Variants in FJX1 observed in about 807,000 individuals in gnomAD.
FJX1 encodes four-jointed box protein 1.
FJX1 carries 21 observed loss-of-function variants against 28.7 expected under a neutral mutation model. That is an observed-to-expected ratio of 0.73 (90% CI 0.52 to 1.05). FJX1 has a LOEUF of 1.05. Among genes scored for constraint, FJX1 ranks in the 50% least tolerant of loss-of-function variants. The pLI, the probability that FJX1 is intolerant of heterozygous loss-of-function variation, is 0.00. For synonymous variants in FJX1, 363 were observed against 310.0 expected (o/e 1.17, Z -1.80); for missense variants, 683 against 647.2 (o/e 1.06, Z -0.60).
Position 35,619,305 on chromosome 11 carries a change from G to C in FJX1, c.669G>C (p.Ala223=). The change falls in exon 1 of 1, where the codon GCG becomes GCC. Residue 223 remains alanine, a synonymous_variant. Coordinates refer to ENST00000317811, the MANE Select transcript of FJX1 (RefSeq NM_014344.4). The surrounding 1 kb of genome is among the most constrained non-coding windows in gnomAD (Gnocchi z 7.6). ...TGGAGGCTCGGGGCGCGCAGTGGGC[G>C]CAGGTGCAGGAGGAGCTGCGCGCTG... ...ARVEARGAQW[A]QVQEELRAAH... 1 of 1,556,408 alleles carries C rather than the reference G, an allele frequency of 6.4e-7. No homozygotes were observed. The highest frequency in any genetic ancestry group is 8.6e-7 in the Non-Finnish European group (1 of 1,159,766).
At position 35,620,156 on chromosome 11, in the gene FJX1, C is replaced by A. The variant is rs542038856; in HGVS notation, c.*206C>A. 2,000 of 720,314 alleles carry A rather than the reference C, an allele frequency of 2.8e-3. 7 individuals are homozygous for A. The highest frequency in any genetic ancestry group is 3.0e-3 in the Admixed American group (100 of 33,290). The allele number at this position is 720,314 out of a possible 1,614,324, so 44.6% of individuals were successfully genotyped here. ...TTCTGGGAGGACGAACTCACCGAGGCGAGAAGTGTAACATTCTCTCCACCC... is the reference window on the plus strand; with the variant it reads ...TTCTGGGAGGACGAACTCACCGAGGAGAGAAGTGTAACATTCTCTCCACCC... On this transcript the variant is annotated 3_prime_UTR_variant, in exon 1 of 1. Coordinates refer to ENST00000317811, the MANE Select transcript of FJX1 (RefSeq NM_014344.4).
Position 35,619,027 on chromosome 11 carries a change from C to T in FJX1, c.391C>T (p.Gln131Ter), listed in dbSNP as rs1452885507. 6.8e-7 allele frequency: 1 copy of T among 1,467,592 alleles called. No individual in the cohort carries two copies. The allele number at this position is 1,467,592 out of a possible 1,614,324, so 90.9% of individuals were successfully genotyped here. ...GVFWSRGLEE[Q>*]VPPGFSEAQA... ...CTTCTGGAGCCGCGGCCTGGAGGAG[C>T]AGGTGCCCCCGGGCTTTTCGGAGGC... The change falls in exon 1 of 1, where the codon CAG becomes TAG. Residue 131 changes from glutamine (Q) to a stop codon, truncating the protein, a stop_gained. Transcript: ENST00000317811. LOFTEE classifies it high-confidence loss of function. The surrounding 1 kb of genome is among the most constrained non-coding windows in gnomAD (Gnocchi z 7.6).
rs931076036 is a variant in FJX1 at position 35,620,857 on chromosome 11, T to C, written c.*907T>C. The C allele has an allele frequency of 1.8e-5, 3 of 167,134 alleles. No homozygotes were observed. The highest frequency in any genetic ancestry group is 2.9e-5 in the Non-Finnish European group (2 of 68,122). The allele number at this position is 167,134 out of a possible 1,614,324, so 10.4% of individuals were successfully genotyped here. A position where few individuals can be genotyped will look rare whatever the true frequency, so the allele number is the denominator to read the frequency against. On this transcript the variant is annotated 3_prime_UTR_variant, in exon 1 of 1. Transcript: ENST00000317811. The stretch of plus-strand genomic sequence containing the variant: ...ACTTATATTTCAATAAAAGGGAGTT[T>C]AAAATTTATAATTTAATTCCTGTGG...
Position 35,618,676 on chromosome 11 carries a change from C to T in FJX1, c.40C>T (p.Leu14Phe). 2 of 1,245,406 alleles carry T rather than the reference C, an allele frequency of 1.6e-6. No homozygotes were observed. Among genetic ancestry groups the T allele is most frequent in the Non-Finnish European group, 2.0e-6 (2 of 989,640 alleles). The allele number at this position is 1,245,406 out of a possible 1,614,324, so 77.1% of individuals were successfully genotyped here. A position where few individuals can be genotyped will look rare whatever the true frequency, so the allele number is the denominator to read the frequency against. The change falls in exon 1 of 1, where the codon CTC (leucine) becomes TTC (phenylalanine). Residue 14 changes from leucine (L) to phenylalanine (F), a missense_variant. Transcript: ENST00000317811. The surrounding 1 kb of genome is among the most constrained non-coding windows in gnomAD (Gnocchi z 4.2). ...RMRGAAATAG[L>F]WLLALGSLLA... The stretch of plus-strand genomic sequence containing the variant: ...GCGGGGCGCCGCCGCCACCGCGGGG[C>T]TCTGGCTGCTGGCGCTGGGCTCGCT...
Position 35,619,412 on chromosome 11 carries a change from G to T in FJX1, c.776G>T (p.Arg259Leu). The T allele has an allele frequency of 6.3e-7, 1 of 1,597,064 alleles. No individual in the cohort carries two copies. Among genetic ancestry groups the T allele is most frequent in the South Asian group, 1.1e-5 (1 of 90,914 alleles). ...GACGTGGTGGTGCCCGCGCCCTGGC[G>T]CTCGGAGGACGGCCGTCTGCGCCCC... ...LTDVVVPAPW[R>L]SEDGRLRPLR... Residue 259 changes from arginine to leucine, a missense_variant, in exon 1 of 1, where the codon CGC becomes CTC. Physicochemically the swap from Arg to Leu is moderately radical, Grantham distance 102. Coordinates refer to ENST00000317811, the MANE Select transcript of FJX1 (RefSeq NM_014344.4). This position sits in a 1 kb window ranked among gnomAD's most constrained non-coding sequence, Gnocchi z 7.6.
At position 35,619,376 on chromosome 11, in the gene FJX1, C is replaced by A; in HGVS notation, c.740C>A (p.Pro247His). 6.3e-7 allele frequency: 1 copy of A among 1,592,076 alleles called. No homozygotes were observed. The highest frequency in any genetic ancestry group is 8.5e-7 in the Non-Finnish European group (1 of 1,176,912). Residue 247 changes from proline (P) to histidine (H), a missense_variant, in exon 1 of 1, where the codon CCC becomes CAC. Transcript: ENST00000317811. The surrounding 1 kb of genome is among the most constrained non-coding windows in gnomAD (Gnocchi z 7.6). The part of the protein sequence containing the change: ...GSVVSLTRWL[P>H]NLTDVVVPAP... ...GTGGTGAGCCTGACACGCTGGCTGC[C>A]CAACCTCACGGACGTGGTGGTGCCC...
rs558614264 is a variant in FJX1, at chr11:35,619,749, C to T, written c.1113C>T (p.Thr371=). 42 of 1,560,704 alleles carry T rather than the reference C, an allele frequency of 2.7e-5. No individual in the cohort carries two copies. The Admixed American group carries it at 3.3e-4, about 12-fold the overall frequency. Residue 371 remains threonine (T), a synonymous_variant, in exon 1 of 1, where the codon ACC becomes ACT. Transcript: ENST00000317811. The surrounding 1 kb of genome is among the most constrained non-coding windows in gnomAD (Gnocchi z 7.6). The part of the protein sequence containing the change: ...LQSVCVFRER[T]ARRVLELHRG... The stretch of plus-strand genomic sequence containing the variant: ...CAGTGTGCGTGTTCCGCGAGCGGAC[C>T]GCGCGGCGCGTCCTGGAGCTGCACC...
rs1360920230 is a variant in FJX1, at chr11:35,620,300, C to T, written c.*350C>T. ...GGAGATGCACCCCATTCTTGGGCCC[C>T]CCCTCATTCCCTTTCCGAAAAAGGA... On this transcript the variant is annotated 3_prime_UTR_variant, in exon 1 of 1. Transcript: ENST00000317811. 6 of 380,852 alleles carry T rather than the reference C, an allele frequency of 1.6e-5. No individual in the cohort carries two copies. Among genetic ancestry groups the T allele is most frequent in the African/African-American group, 1.1e-4 (5 of 45,502 alleles). The allele number at this position is 380,852 out of a possible 1,614,324, so 23.6% of individuals were successfully genotyped here.
At position 35,620,699 on chromosome 11, in the gene FJX1, GAA is replaced by G. The variant is rs3834431; in HGVS notation, c.*759_*760del. The G allele has an allele frequency of 0.42, 68,650 of 163,248 alleles. 17,500 individuals are homozygous for G. Among genetic ancestry groups the G allele is most frequent in the African/African-American group, 0.74 (30,410 of 41,126 alleles). 10.1% of individuals were successfully genotyped at this position (163,248 alleles called of 1,614,324 possible). A position where few individuals can be genotyped will look rare whatever the true frequency, so the allele number is the denominator to read the frequency against. Reference sequence around the variant, plus strand: ...TGACAACGATGATGTTCACCAGAAGGAAAAAAAAAAATCAGTTTTATGCACTT... The same window carrying G: ...TGACAACGATGATGTTCACCAGAAGGAAAAAAAAATCAGTTTTATGCACTT... On this transcript the variant is annotated 3_prime_UTR_variant, in exon 1 of 1. Transcript: ENST00000317811.
rs765190883 is a variant in FJX1, at chr11:35,619,629, C to G, written c.993C>G (p.Gly331=). Residue 331 remains glycine, a synonymous_variant, in exon 1 of 1, where the codon GGC becomes GGG. Transcript: ENST00000317811. The surrounding 1 kb of genome is among the most constrained non-coding windows in gnomAD (Gnocchi z 7.6). Reference sequence around the variant, plus strand: ...CCAGCAACCTGCACCGCGGTCCGGGCGGGGCGCTGGTCTTTCTGGACAATG... The same window carrying G: ...CCAGCAACCTGCACCGCGGTCCGGGGGGGGCGCTGGTCTTTCTGGACAATG... The part of the protein sequence containing the change: ...RATSNLHRGP[G]GALVFLDNEA... The G allele has an allele frequency of 6.2e-7, 1 of 1,610,432 alleles. No homozygotes were observed. The highest frequency in any genetic ancestry group is 8.5e-7 in the Non-Finnish European group (1 of 1,179,776).
At position 35,618,623 on chromosome 11, in the gene FJX1, A is replaced by G. The variant is rs1850851213; in HGVS notation, c.-14A>G. On this transcript the variant is annotated 5_prime_UTR_variant, in exon 1 of 1. Coordinates refer to ENST00000317811, the MANE Select transcript of FJX1 (RefSeq NM_014344.4). The surrounding 1 kb of genome is among the most constrained non-coding windows in gnomAD (Gnocchi z 4.2). ...CTTGAAGCGGCGGCGGCGCACCGGC[A>G]CAGCCGCGGGAGCATGGGCAGGAGG... is the stretch of plus-strand genomic sequence containing the variant. The G allele has an allele frequency of 8.8e-7, 1 of 1,136,926 alleles. No homozygotes were observed. The highest frequency in any genetic ancestry group is 1.7e-5 in the African/African-American group (1 of 60,504). 70.4% of individuals were successfully genotyped at this position (1,136,926 alleles called of 1,614,324 possible). A position where few individuals can be genotyped will look rare whatever the true frequency, so the allele number is the denominator to read the frequency against.
chr11:35,620,046 A>G lies in FJX1; in HGVS notation c.*96A>G. The G allele has an allele frequency of 1.3e-5, 19 of 1,511,264 alleles. No individual in the cohort carries two copies. The highest frequency in any genetic ancestry group is 1.7e-5 in the Non-Finnish European group (19 of 1,128,724). The allele number at this position is 1,511,264 out of a possible 1,614,324, so 93.6% of individuals were successfully genotyped here. A position where few individuals can be genotyped will look rare whatever the true frequency, so the allele number is the denominator to read the frequency against. On this transcript the variant is annotated 3_prime_UTR_variant, in exon 1 of 1. Transcript: ENST00000317811. ...GCCACTGTCAGGGACCAGCCGGCCA[A>G]CGCCCACCCGCAAAGGTGTCTAAAA... is the stretch of plus-strand genomic sequence containing the variant.
Position 35,618,673 on chromosome 11 carries a change from G to A in FJX1, c.37G>A (p.Gly13Arg), listed in dbSNP as rs1850852201. ...GATGCGGGGCGCCGCCGCCACCGCG[G>A]GGCTCTGGCTGCTGGCGCTGGGCTC... ...RRMRGAAATA[G>R]LWLLALGSLL... The change falls in exon 1 of 1, where the codon GGG becomes AGG. Residue 13 changes from glycine (G) to arginine (R), a missense_variant. Transcript: ENST00000317811. The surrounding 1 kb of genome is among the most constrained non-coding windows in gnomAD (Gnocchi z 4.2). The A allele has an allele frequency of 8.1e-7, 1 of 1,240,012 alleles. No homozygotes were observed. The highest frequency in any genetic ancestry group is 3.7e-5 in the Admixed American group (1 of 26,818). The allele number at this position is 1,240,012 out of a possible 1,614,324, so 76.8% of individuals were successfully genotyped here.
Position 35,618,901 on chromosome 11 carries a change from GGC to G in FJX1, c.269_270del (p.Ala90GlyfsTer184). 7.2e-7 allele frequency: 1 copy of G among 1,395,594 alleles called. No homozygotes were observed. Among genetic ancestry groups the G allele is most frequent in the African/African-American group, 1.5e-5 (1 of 66,266 alleles). 86.5% of individuals were successfully genotyped at this position (1,395,594 alleles called of 1,614,324 possible). A position where few individuals can be genotyped will look rare whatever the true frequency, so the allele number is the denominator to read the frequency against. ...TFRALLTLAA[G>X]ADGPPRQSRS... ...CCGGGCGCTGCTCACCCTGGCGGCC[GGC>G]GCGGACGGCCCGCCCCGGCAGTCCC... On this transcript the variant is annotated frameshift_variant, in exon 1 of 1. Coordinates refer to ENST00000317811, the MANE Select transcript of FJX1 (RefSeq NM_014344.4). LOFTEE classifies it high-confidence loss of function. The surrounding 1 kb of genome is among the most constrained non-coding windows in gnomAD (Gnocchi z 4.2).
At position 35,618,517 on chromosome 11, in the gene FJX1, TG is replaced by T; in HGVS notation, c.-116del. 1 of 972,044 alleles carries T rather than the reference TG, an allele frequency of 1.0e-6. No individual in the cohort carries two copies. Among genetic ancestry groups the T allele is most frequent in the Non-Finnish European group, 1.2e-6 (1 of 801,186 alleles). The allele number at this position is 972,044 out of a possible 1,614,324, so 60.2% of individuals were successfully genotyped here. The stretch of plus-strand genomic sequence containing the variant: ...GCCCCGCAGCGCCCCGCGGCCGCGA[TG>T]GGGCCGAAGCGCCCGAAGCCCCGGA... On this transcript the variant is annotated 5_prime_UTR_variant, in exon 1 of 1. An upstream open reading frame in the 5' UTR loses its in-frame stop. Transcript: ENST00000317811. This position sits in a 1 kb window ranked among gnomAD's most constrained non-coding sequence, Gnocchi z 4.2.
chr11:35,618,907 GA>G lies in FJX1; in HGVS notation c.272del (p.Asp91AlafsTer150). ...GCTGCTCACCCTGGCGGCCGGCGCG[GA>G]CGGCCCGCCCCGGCAGTCCCGGAGC... ...RALLTLAAGADGPPRQSRSEP... is the reference protein window; with the variant it reads ...RALLTLAAGAXGPPRQSRSEP... On this transcript the variant is annotated frameshift_variant, in exon 1 of 1. Coordinates refer to ENST00000317811, the MANE Select transcript of FJX1 (RefSeq NM_014344.4). LOFTEE classifies it high-confidence loss of function. The surrounding 1 kb of genome is among the most constrained non-coding windows in gnomAD (Gnocchi z 4.2). 2.1e-6 allele frequency: 3 copies of G among 1,399,692 alleles called. No individual in the cohort carries two copies. The highest frequency in any genetic ancestry group is 1.8e-6 in the Non-Finnish European group (2 of 1,081,788). The allele number at this position is 1,399,692 out of a possible 1,614,324, so 86.7% of individuals were successfully genotyped here.
At position 35,620,662 on chromosome 11, in the gene FJX1, C is replaced by T. The variant is rs1850890335; in HGVS notation, c.*712C>T. On this transcript the variant is annotated 3_prime_UTR_variant, in exon 1 of 1. Transcript: ENST00000317811. Reference sequence around the variant, plus strand: ...TGAATTTCTTCCTCCCTCTCGCAACCGACCAAAATTTTGACAACGATGATG... The same window carrying T: ...TGAATTTCTTCCTCCCTCTCGCAACTGACCAAAATTTTGACAACGATGATG... 6.0e-6 allele frequency: 1 copy of T among 166,548 alleles called. No homozygotes were observed. Among genetic ancestry groups the T allele is most frequent in the South Asian group, 2.1e-4 (1 of 4,774 alleles). The allele number at this position is 166,548 out of a possible 1,614,324, so 10.3% of individuals were successfully genotyped here.
chr11:35,619,938 G>T lies in FJX1; in HGVS notation c.1302G>T (p.Arg434=). 6.3e-7 allele frequency: 1 copy of T among 1,589,304 alleles called. No individual in the cohort carries two copies. Among genetic ancestry groups the T allele is most frequent in the Middle Eastern group, 1.7e-4 (1 of 5,896 alleles). ...ILHCKAKYGR[R]SGT ...ACTGTAAGGCCAAGTACGGCCGCCGGTCTGGGACTTAGTGTCACCGGGAGG... is the reference window on the plus strand; with the variant it reads ...ACTGTAAGGCCAAGTACGGCCGCCGTTCTGGGACTTAGTGTCACCGGGAGG... The change falls in exon 1 of 1, where the codon CGG becomes CGT. Residue 434 remains arginine, a synonymous_variant. Transcript: ENST00000317811. The surrounding 1 kb of genome is among the most constrained non-coding windows in gnomAD (Gnocchi z 7.6).
Position 35,619,141 on chromosome 11 carries a change from GC to G in FJX1, c.508del (p.Arg170ValfsTer71). 1 of 1,569,368 alleles carries G rather than the reference GC, an allele frequency of 6.4e-7. No homozygotes were observed. Among genetic ancestry groups the G allele is most frequent in the Non-Finnish European group, 8.6e-7 (1 of 1,169,060 alleles). On this transcript the variant is annotated frameshift_variant, in exon 1 of 1. Coordinates refer to ENST00000317811, the MANE Select transcript of FJX1 (RefSeq NM_014344.4). LOFTEE classifies it high-confidence loss of function. This position sits in a 1 kb window ranked among gnomAD's most constrained non-coding sequence, Gnocchi z 7.6. ...GGCGRSSNRL[A>X]RFADGTRACV... The stretch of plus-strand genomic sequence containing the variant: ...TTGCGGGCGCAGCTCCAACCGACTG[GC>G]CCGTTTTGCCGACGGCACCCGCGCC...
Sources: allele counts gnomAD v4.1 joint callset, GRCh38; gene constraint gnomAD v4.1.1; non-coding constraint Gnocchi (gnomAD v3.1); transcripts MANE v1.5; gene names NCBI Gene and HGNC (gene_info 2026-07-23, HGNC 2026-07-21).